MAP7D2: variants seen among roughly 807,000 people sequenced by gnomAD.
MAP7D2 encodes MAP7 domain-containing protein 2.
MAP7D2 carries 33 observed loss-of-function variants against 63.5 expected under a neutral mutation model. The ratio of observed to expected loss-of-function variants is 0.52; its 90% confidence interval spans 0.39 to 0.70. The LOEUF is 0.70. MAP7D2 is among the 30% of genes least tolerant of loss of function. The pLI, the probability that MAP7D2 is intolerant of heterozygous loss-of-function variation, is 0.00. For synonymous variants in MAP7D2, 224 were observed against 223.7 expected, an observed-to-expected ratio of 1.00 and a Z score of -0.01; for missense variants, 626 against 604.0, an observed-to-expected ratio of 1.04 and a Z score of -0.38.
intron 10 of MAP7D2, among the ~76,000 whole-genome samples, chrX:20,021,795 C>A (rs780010137): frequency 7.4e-4 from 83 of 112,234 alleles, no homozygotes; most frequent in African/African-American, 2.7e-3. Flanking sequence ...TCAAATCTGC[C>A]CATTTCTTTG....
At chrX:20,077,744 G>C (rs1350977860) in intron 1 of MAP7D2, among the ~76,000 whole-genome samples, 3 of 111,968 alleles carry the variant, frequency 2.7e-5, no homozygotes, top group Non-Finnish European at 5.6e-5. Flanking sequence ...TTCCTAATGG[G>C]GGTGATAAGA....
chrX:20,073,332 A>G (rs2065554908), intron 1 of MAP7D2, among the ~76,000 whole-genome samples: 1 of 111,655 alleles, frequency 9.0e-6, no homozygotes. Flanking sequence ...ACTGGGGAGC[A>G]AAAATAAATG....
chrX:20,014,641 G>A (rs934993492), intron 12 of MAP7D2, among the ~76,000 whole-genome samples: 1 of 111,860 alleles, frequency 8.9e-6, no homozygotes, highest in Non-Finnish European at 1.9e-5. Flanking sequence ...GGCATATCAC[G>A]ATAAATATAT....
intron 8 of MAP7D2, among the ~76,000 whole-genome samples, chrX:20,029,789 A>ATTT (rs35905676): frequency 4.9e-5 from 5 of 102,450 alleles, no homozygotes; most frequent in Admixed American, 3.1e-4. Context: ...CAAGTCATAG[A>ATTT]TTTTTTTTTT....
intron 5 of MAP7D2, 136 bp from the exon 6 acceptor site, chrX:20,051,082 A>C: frequency 1.8e-6 from 1 of 557,189 alleles, no homozygotes; most frequent in Non-Finnish European, 2.7e-6. Flanking sequence ...ATTTGAACAA[A>C]GGATGGATTT....
At chrX:20,051,545 C>CAA (rs1197922116) in intron 5 of MAP7D2, among the ~76,000 whole-genome samples, 1 of 68,201 alleles carries the variant, frequency 1.5e-5, no homozygotes, top group Non-Finnish European at 2.8e-5. Flanking sequence ...GAGCCTGTCT[C>CAA]AAAAAAAAAA....
intron 8 of MAP7D2, among the ~76,000 whole-genome samples, chrX:20,032,313 T>G (rs913229522): frequency 8.9e-6 from 1 of 111,784 alleles, no homozygotes; most frequent in African/African-American, 3.3e-5. Context: ...GAGAATGATG[T>G]GGTGGCAAAA....
intron 5 of MAP7D2, chrX:20,052,469 C>A: frequency 4.1e-6 from 1 of 246,083 alleles, no homozygotes; most frequent in Non-Finnish European, 7.6e-6. Context: ...TTTCACATAT[C>A]TAAGCCTCCC....
chrX:20,103,983 T>C (rs1279742390), intron 1 of MAP7D2, among the ~76,000 whole-genome samples: 1 of 112,096 alleles, frequency 8.9e-6, no homozygotes, highest in African/African-American at 3.2e-5. Flanking sequence ...TGAGAACCCT[T>C]GGGCCTCTTG....
At chrX:20,048,944 CATATATGTATACGT>C (rs2064872047) in intron 6 of MAP7D2, among the ~76,000 whole-genome samples, 1 of 107,733 alleles carries the variant, frequency 9.3e-6, no homozygotes, top group Non-Finnish European at 1.9e-5. Flanking sequence ...CATATATATA[CATATATGTATACGT>C]ATATGTATAC....
chrX:20,087,423 C>T (rs1303212470), intron 1 of MAP7D2, among the ~76,000 whole-genome samples: 4 of 111,858 alleles, frequency 3.6e-5, no homozygotes, highest in African/African-American at 1.3e-4. Context: ...GGTCTGTGCA[C>T]ATGCTAACTC....
At chrX:20,094,539 T>C (rs1321290736) in intron 1 of MAP7D2, among the ~76,000 whole-genome samples, 1 of 9,961 alleles carries the variant, frequency 1.0e-4, no homozygotes, top group East Asian at 3.5e-3. Flanking sequence ...TATATATATA[T>C]ATGTATATAT....
intron 1 of MAP7D2, among the ~76,000 whole-genome samples, chrX:20,100,640 G>C (rs1311698722): frequency 9.1e-6 from 1 of 110,272 alleles, no homozygotes; most frequent in Non-Finnish European, 1.9e-5. Context: ...GAAGGAGCAA[G>C]AGAGAAAGAG....
intron 10 of MAP7D2, among the ~76,000 whole-genome samples, chrX:20,020,003 C>A (rs745797989): frequency 1.8e-5 from 2 of 112,181 alleles, no homozygotes; most frequent in Admixed American, 9.4e-5. Context: ...TCCCCTGGAT[C>A]CCTTATGGAC....
At chrX:20,021,164 A>G in intron 10 of MAP7D2, among the ~76,000 whole-genome samples, 1 of 111,718 alleles carries the variant, frequency 9.0e-6, no homozygotes, top group Non-Finnish European at 1.9e-5. Flanking sequence ...CTCACTTTAT[A>G]TCTTGGGCCA....
chrX:20,012,548 A>C lies in MAP7D2; in HGVS notation c.1886-13T>G. On this transcript the variant is annotated splice_polypyrimidine_tract_variant and intron_variant, in intron 14 of 16. Coordinates refer to ENST00000379643, the MANE Select transcript of MAP7D2 (RefSeq NM_001168465.2). Reference sequence around the variant, plus strand: ...AATCCATTGATTTCTGATCGAGAACACAAAGTCCCTTGTGTTAATCATAAA... The same window carrying C: ...AATCCATTGATTTCTGATCGAGAACCCAAAGTCCCTTGTGTTAATCATAAA... 1 of 1,153,132 alleles carries C rather than the reference A, an allele frequency of 8.7e-7. No individual in the cohort carries two copies. Among genetic ancestry groups the C allele is most frequent in the Non-Finnish European group, 1.2e-6 (1 of 861,295 alleles).
At chrX:20,036,336 G>A (rs185495212) in intron 8 of MAP7D2, among the ~76,000 whole-genome samples, 106 of 109,622 alleles carry the variant, frequency 9.7e-4, no homozygotes, top group African/African-American at 3.3e-3. Flanking sequence ...TCCGCCTCCC[G>A]GGTTCAAGCG....
rs1363309625 is a variant in MAP7D2 at position 20,007,149 on chromosome X, A to G, written c.*1276T>C. 1 of 112,204 alleles carries G rather than the reference A, an allele frequency of 8.9e-6. No homozygotes were observed. The highest frequency in any genetic ancestry group is 3.2e-5 in the African/African-American group (1 of 30,855). 9.2% of individuals were successfully genotyped at this position (112,204 alleles called of 1,213,427 possible). A position where few individuals can be genotyped will look rare whatever the true frequency, so the allele number is the denominator to read the frequency against. On this transcript the variant is annotated 3_prime_UTR_variant, in exon 17 of 17. Transcript: ENST00000379643. The stretch of plus-strand genomic sequence containing the variant: ...TTATTGAGTAGAGACACATACACAG[A>G]CATATAATTTCTGTAACTAATACAT...
chrX:20,072,018 C>T (rs1009882395), intron 1 of MAP7D2, among the ~76,000 whole-genome samples: 2 of 111,061 alleles, frequency 1.8e-5, no homozygotes, highest in African/African-American at 6.6e-5. Flanking sequence ...TCTCTGGCAC[C>T]CTAAAGACTG....
Sources: gnomAD v4.1 joint callset for allele counts (sites outside exome capture counted in the v4.1 genomes callset) on GRCh38, gnomAD v4.1.1 for gene constraint, MANE v1.5 for transcripts, NCBI Gene and HGNC (gene_info 2026-07-23, HGNC 2026-07-21) for gene names.